MYO18B: variants seen among roughly 807,000 people sequenced by gnomAD.
MYO18B encodes unconventional myosin-XVIIIb.
In MYO18B, 204 loss-of-function variants were observed where a neutral mutation model predicts 273.0. The ratio of observed to expected loss-of-function variants is 0.75; its 90% confidence interval spans 0.67 to 0.84. MYO18B has a LOEUF of 0.84. Among genes scored for constraint, MYO18B ranks in the 40% least tolerant of loss-of-function variants. MYO18B has a pLI of 0.00. For missense variants in MYO18B, 3,212 were observed against 3,287.6 expected, an observed-to-expected ratio of 0.98 and a Z score of 0.56; for synonymous variants, 1,330 against 1,305.7, an observed-to-expected ratio of 1.02 and a Z score of -0.40.
intron 37 of MYO18B, among the ~76,000 whole-genome samples, chr22:25,951,930 A>G (rs1418612226): frequency 6.6e-6 from 1 of 152,230 alleles, no homozygotes; most frequent in Non-Finnish European, 1.5e-5. Flanking sequence ...ACTTGCTTGT[A>G]TCTTTTGATG....
rs190356811 is a variant in MYO18B, at chr22:25,829,007, G to A, written c.2979+39G>A. ...GGAGCAGGGCTTTCACCAGAGCTCC[G>A]TGGATGGTGTAAGGTCAGATGGGAA... On this transcript the variant is annotated intron_variant, in intron 15 of 43. Transcript: ENST00000335473. 3.4e-5 allele frequency: 54 copies of A among 1,600,856 alleles called. No individual in the cohort carries two copies. In the Admixed American group the frequency reaches 5.0e-4, roughly 15 times the overall value.
At chr22:25,976,992 C>A (rs1474731002) in intron 39 of MYO18B, among the ~76,000 whole-genome samples, 1 of 152,160 alleles carries the variant, frequency 6.6e-6, no homozygotes, top group East Asian at 1.9e-4. Flanking sequence ...TTACAGTTTA[C>A]AAAGCACCTG....
chr22:25,782,100 T>G (rs1452951705), intron 10 of MYO18B, among the ~76,000 whole-genome samples: 1 of 152,146 alleles, frequency 6.6e-6, no homozygotes, highest in Non-Finnish European at 1.5e-5. Flanking sequence ...TTAAGAGAGA[T>G]AATTTACATT....
At chr22:26,017,952 C>A (rs1257870359) in intron 42 of MYO18B, among the ~76,000 whole-genome samples, 1 of 146,900 alleles carries the variant, frequency 6.8e-6, no homozygotes, top group Admixed American at 6.8e-5. Context: ...CACCCAGCTC[C>A]AATTTTACTG....
chr22:25,889,059 AT>A (rs1421609985), intron 25 of MYO18B, among the ~76,000 whole-genome samples: 1 of 150,458 alleles, frequency 6.6e-6, no homozygotes, highest in Non-Finnish European at 1.5e-5. Context: ...AAAAAAAAAA[AT>A]CTCAATTAAC....
chr22:25,777,265 T>TA (rs542910724), intron 7 of MYO18B, among the ~76,000 whole-genome samples: 263 of 152,328 alleles, frequency 1.7e-3, no homozygotes, highest in South Asian at 7.3e-3. Flanking sequence ...TTCAGGCAGA[T>TA]ACCATTCGAT....
In MYO18B at chr22:25,768,846, G is replaced by T. The variant is rs751239968; in HGVS notation, c.930G>T (p.Arg310Ser). 1.7e-5 allele frequency: 27 copies of T among 1,612,630 alleles called. No individual in the cohort carries two copies. Among genetic ancestry groups the T allele is most frequent in the South Asian group, 4.4e-5 (4 of 90,618 alleles). ...KDVGSEGKHVRPQIPGRKWGG... is the reference protein window; with the variant it reads ...KDVGSEGKHVSPQIPGRKWGG... Reference sequence around the variant, plus strand: ...TAGGGAGTGAAGGGAAGCACGTAAGGCCCCAAATCCCTGGGAGAAAGTGGG... The same window carrying T: ...TAGGGAGTGAAGGGAAGCACGTAAGTCCCCAAATCCCTGGGAGAAAGTGGG... Residue 310 changes from arginine (R) to serine (S), a missense_variant, in exon 4 of 44, where the codon AGG (arginine) becomes AGT (serine). Arg to Ser is a moderately radical substitution (Grantham distance 110). Coordinates refer to ENST00000335473, the MANE Select transcript of MYO18B (RefSeq NM_032608.7).
At position 25,902,652 on chromosome 22, in the gene MYO18B, G is replaced by T; in HGVS notation, c.4863G>T (p.Val1621=). The T allele has an allele frequency of 6.2e-7, 1 of 1,604,528 alleles. No homozygotes were observed. The highest frequency in any genetic ancestry group is 8.5e-7 in the Non-Finnish European group (1 of 1,175,488). ...TGGCCCAGGCCCTAGGTGAGTCAGT[G>T]TTTGAGAAGGGTCTCCGTGAGAAAG... ...LQLAQALGES[V]FEKGLREKVT... The change falls in exon 30 of 44, where the codon GTG becomes GTT. Residue 1621 remains valine, a synonymous_variant. Transcript: ENST00000335473.
In MYO18B at chr22:25,903,713, C is replaced by T. The variant is rs372882233; in HGVS notation, c.5030C>T (p.Ser1677Phe). 2.5e-6 allele frequency: 4 copies of T among 1,608,650 alleles called. No individual in the cohort carries two copies. In the African/African-American group the frequency reaches 4.0e-5, roughly 16 times the overall value. Residue 1677 changes from serine to phenylalanine, a missense_variant, in exon 31 of 44, where the codon TCT becomes TTT. Transcript: ENST00000335473. ...DHKRELLGSP[S>F]LGENCVAGLK... ...AAACGGGAGCTGCTGGGGTCACCCTCTCTGGGGGAAAATTGCGTTGCTGGC... is the reference window on the plus strand; with the variant it reads ...AAACGGGAGCTGCTGGGGTCACCCTTTCTGGGGGAAAATTGCGTTGCTGGC...
intron 39 of MYO18B, among the ~76,000 whole-genome samples, chr22:25,980,185 T>C (rs1233756610): frequency 6.6e-6 from 1 of 152,204 alleles, no homozygotes; most frequent in East Asian, 1.9e-4. Context: ...GGCATGTGTG[T>C]CCAGAGATGC....
intron 11 of MYO18B, among the ~76,000 whole-genome samples, chr22:25,797,569 A>G (rs1187396282): frequency 1.3e-5 from 2 of 152,122 alleles, no homozygotes; most frequent in African/African-American, 2.4e-5. Context: ...CCTACCACTT[A>G]GCCCTTTTCA....
chr22:25,845,424 G>A (rs1251297744), intron 18 of MYO18B, among the ~76,000 whole-genome samples: 2 of 152,208 alleles, frequency 1.3e-5, no homozygotes, highest in African/African-American at 4.8e-5. Context: ...GGCTGAAGCA[G>A]GAGAATCGCT....
intron 12 of MYO18B, among the ~76,000 whole-genome samples, chr22:25,805,188 C>A (rs1188539067): frequency 6.6e-6 from 1 of 152,192 alleles, no homozygotes; most frequent in Non-Finnish European, 1.5e-5. Flanking sequence ...TAGCACATGG[C>A]ATCCCATTCG....
At chr22:25,979,247 G>A (rs922289656) in intron 39 of MYO18B, among the ~76,000 whole-genome samples, 6 of 152,156 alleles carry the variant, frequency 3.9e-5, no homozygotes, top group Non-Finnish European at 7.3e-5. Flanking sequence ...ACATGTCAAA[G>A]GTGGCTTAGT....
Position 25,768,606 on chromosome 22 carries a change from A to G in MYO18B, c.690A>G (p.Ala230=), listed in dbSNP as rs770998942. The change falls in exon 4 of 44, where the codon GCA becomes GCG. Residue 230 remains alanine (A), a synonymous_variant. Transcript: ENST00000335473. ...GGGACCCAGGCCAAGGAACTGTGGC[A>G]CTGAAAAAAGGCGAGGAGGGTCAAA... ...GLGDPGQGTV[A]LKKGEEGQSI... is the part of the protein sequence containing the mutation. 3.9e-6 allele frequency: 6 copies of G among 1,526,626 alleles called. No homozygotes were observed. The East Asian group carries it at 1.4e-4, about 35-fold the overall frequency. 94.6% of individuals were successfully genotyped at this position (1,526,626 alleles called of 1,614,324 possible).
chr22:25,768,244 G>A lies in MYO18B; in HGVS notation c.328G>A (p.Glu110Lys), dbSNP rs779373197. Reference sequence around the variant, plus strand: ...CTCAGACATTCTGGGCAAGGAGAGCGAGGGGTCCCGCAGCCCCGACCCTGA... The same window carrying A: ...CTCAGACATTCTGGGCAAGGAGAGCAAGGGGTCCCGCAGCCCCGACCCTGA... ...GSSDILGKES[E>K]GSRSPDPEQM... Residue 110 changes from glutamate to lysine, a missense_variant, in exon 4 of 44, where the codon GAG becomes AAG. By Grantham distance (56) the Glu-to-Lys change is moderately conservative. Coordinates refer to ENST00000335473, the MANE Select transcript of MYO18B (RefSeq NM_032608.7). The A allele has an allele frequency of 9.0e-5, 146 of 1,613,984 alleles. 2 individuals carry two copies. In the South Asian group the frequency reaches 1.4e-3, roughly 15 times the overall value.
chr22:25,977,551 A>G (rs1462088249), intron 39 of MYO18B, among the ~76,000 whole-genome samples: 1 of 152,070 alleles, frequency 6.6e-6, no homozygotes, highest in East Asian at 1.9e-4. Flanking sequence ...TGGAGAGGAG[A>G]AAGGAAGGAC....
chr22:25,908,033 CA>C (rs35715764), intron 31 of MYO18B, among the ~76,000 whole-genome samples: 8,204 of 103,836 alleles, frequency 0.079, 563 homozygotes, highest in African/African-American at 0.26. Context: ...AACTCCATCT[CA>C]AAAAAAAAAA....
intron 6 of MYO18B, 23 bp from the exon 7 acceptor site, chr22:25,772,311 G>A: frequency 1.2e-6 from 2 of 1,607,228 alleles, no homozygotes; most frequent in Non-Finnish European, 1.7e-6. Context: ...GGCCAGAGGA[G>A]ACTCTGTGTG....
Sources: gnomAD v4.1 joint callset for allele counts (sites outside exome capture counted in the v4.1 genomes callset) on GRCh38, gnomAD v4.1.1 for gene constraint, MANE v1.5 for transcripts, NCBI Gene and HGNC (gene_info 2026-07-23, HGNC 2026-07-21) for gene names.